CHRM3: variants seen among roughly 807,000 people sequenced by gnomAD.
CHRM3 encodes muscarinic acetylcholine receptor M3.
CHRM3 carries 11 observed loss-of-function variants against 41.8 expected under a neutral mutation model. The ratio of observed to expected loss-of-function variants is 0.26; its 90% CI spans 0.17 to 0.44. The LOEUF (loss-of-function observed/expected upper bound fraction) is 0.44. Among genes scored for constraint, CHRM3 ranks in the 20% least tolerant of loss-of-function variants. The probability of loss-of-function intolerance (pLI) is 1.00; values close to 1 mark genes in which losing one functional copy is unlikely to be tolerated. For missense variants in CHRM3, 571 were observed against 745.4 expected, an observed-to-expected ratio of 0.77 and a Z score of 2.72; for synonymous variants, 297 against 301.4, an observed-to-expected ratio of 0.99 and a Z score of 0.15.
chr1:239,705,885 C>G (rs1661114050), intron 5 of CHRM3, among the ~76,000 whole-genome samples: 1 of 151,604 alleles, frequency 6.6e-6, no homozygotes, highest in East Asian at 1.9e-4. Context: ...CCTTGGAATA[C>G]TAAGTAAGCT....
chr1:239,457,069 A>G (rs1198569904), intron 1 of CHRM3, among the ~76,000 whole-genome samples: 2 of 152,158 alleles, frequency 1.3e-5, no homozygotes, highest in Non-Finnish European at 2.9e-5. Flanking sequence ...TTCCCCGGAA[A>G]TCCTCAGCCA....
chr1:239,576,170 A>G (rs1163778109), intron 3 of CHRM3, among the ~76,000 whole-genome samples: 1 of 152,120 alleles, frequency 6.6e-6, no homozygotes, highest in Non-Finnish European at 1.5e-5. Flanking sequence ...AAGGTTGAAT[A>G]ACGTCCATTG....
intron 5 of CHRM3, among the ~76,000 whole-genome samples, chr1:239,751,055 C>G (rs746579532): frequency 2.0e-5 from 3 of 151,894 alleles, no homozygotes; most frequent in Non-Finnish European, 4.4e-5. Context: ...TGGTGAAACT[C>G]CGTCTCTACT....
At chr1:239,585,847 A>G (rs1330652870) in intron 3 of CHRM3, among the ~76,000 whole-genome samples, 1 of 152,236 alleles carries the variant, frequency 6.6e-6, no homozygotes, top group African/African-American at 2.4e-5. Context: ...AAAAACAAAT[A>G]GATGAATATG....
intron 5 of CHRM3, chr1:239,703,895 T>C (rs1660907160): frequency 6.6e-6 from 1 of 152,084 alleles, no homozygotes. Flanking sequence ...AAAAGGGCAA[T>C]GGGAAACACA....
At chr1:239,873,681 G>A (rs1676788701) in intron 6 of CHRM3, among the ~76,000 whole-genome samples, 1 of 152,160 alleles carries the variant, frequency 6.6e-6, no homozygotes, top group Non-Finnish European at 1.5e-5. Context: ...TCAGGTGACA[G>A]TCAAAACTCT....
At chr1:239,792,668 G>T (rs370091506) in intron 5 of CHRM3, among the ~76,000 whole-genome samples, 1 of 152,176 alleles carries the variant, frequency 6.6e-6, no homozygotes, top group Non-Finnish European at 1.5e-5. Context: ...TTCAAATAAA[G>T]TTATAGGACC....
chr1:239,727,472 C>T (rs1307335892), intron 5 of CHRM3, among the ~76,000 whole-genome samples: 1 of 151,844 alleles, frequency 6.6e-6, no homozygotes, highest in Non-Finnish European at 1.5e-5. Flanking sequence ...TTCCTTCATG[C>T]TTATTATGAA....
At chr1:239,504,692 G>T (rs891908236) in intron 2 of CHRM3, among the ~76,000 whole-genome samples, 33 of 152,094 alleles carry the variant, frequency 2.2e-4, no homozygotes, top group African/African-American at 7.2e-4. Context: ...AGTGTATAAA[G>T]AAATTATGGT....
intron 2 of CHRM3, among the ~76,000 whole-genome samples, chr1:239,543,894 C>T (rs1260548993): frequency 6.6e-6 from 1 of 152,154 alleles, no homozygotes; most frequent in African/African-American, 2.4e-5. Context: ...CTCAACTCTG[C>T]CATGGTAACA....
chr1:239,404,760 A>ATATATATATATATATATAT (rs1553293705), intron 1 of CHRM3, among the ~76,000 whole-genome samples: 1 of 139,550 alleles, frequency 7.2e-6, no homozygotes, highest in Non-Finnish European at 1.6e-5. Flanking sequence ...ATATATATGG[A>ATATATATATATATATATAT]AAATATGGTT....
At chr1:239,760,380 G>GA (rs111837294) in intron 5 of CHRM3, among the ~76,000 whole-genome samples, 24 of 150,460 alleles carry the variant, frequency 1.6e-4, no homozygotes, top group Admixed American at 4.6e-4. Context: ...TACTTTGCCT[G>GA]AAAAAAAAAT....
chr1:239,685,124 C>T (rs1376091711), intron 5 of CHRM3, among the ~76,000 whole-genome samples: 4 of 152,110 alleles, frequency 2.6e-5, no homozygotes, highest in Admixed American at 6.6e-5. Flanking sequence ...ATGAATATCA[C>T]GATTCATGAC....
intron 3 of CHRM3, among the ~76,000 whole-genome samples, chr1:239,597,927 T>C (rs1470911052): frequency 2.8e-5 from 4 of 141,450 alleles, no homozygotes; most frequent in Non-Finnish European, 6.1e-5. Context: ...AGAACAGGGG[T>C]CTCGTGCAGT....
intron 5 of CHRM3, among the ~76,000 whole-genome samples, chr1:239,699,248 A>G (rs1660467881): frequency 8.0e-6 from 1 of 124,462 alleles, no homozygotes; most frequent in African/African-American, 2.8e-5. Flanking sequence ...TCCAAAACAC[A>G]TATGTTGAAG....
intron 3 of CHRM3, among the ~76,000 whole-genome samples, chr1:239,610,890 A>G (rs1201868398): frequency 1.3e-5 from 2 of 152,090 alleles, no homozygotes. Flanking sequence ...CGTCTCTACT[A>G]AAAATACAAA....
At chr1:239,768,748 G>A (rs183533630) in intron 5 of CHRM3, among the ~76,000 whole-genome samples, 1 of 148,068 alleles carries the variant, frequency 6.8e-6, no homozygotes, top group Admixed American at 7.0e-5. Context: ...TTCTCACTAG[G>A]AGCCAGAGTT....
chr1:239,529,188 C>T (rs1214265021), intron 2 of CHRM3, among the ~76,000 whole-genome samples: 1 of 152,126 alleles, frequency 6.6e-6, no homozygotes, highest in Non-Finnish European at 1.5e-5. Context: ...GGAGGTGATA[C>T]ATCACACCAT....
At position 239,556,068 on chromosome 1, in the gene CHRM3, T is replaced by C. The variant is rs148230789; in HGVS notation, c.-313+10319T>C. On this transcript the variant is annotated intron_variant, in intron 3 of 6. Coordinates refer to ENST00000676153, the MANE Select transcript of CHRM3 (RefSeq NM_001375978.1). ...AACTCTGTTTACTACGTTGCAATGA[T>C]AGACAAAGTAGTCAATTCTTGCTGG... Among the ~76,000 whole-genome samples, 74 of 152,338 alleles carry C rather than the reference T, an allele frequency of 4.9e-4. 1 individual carries two copies. In the East Asian group the frequency reaches 0.013, roughly 27 times the overall value.
Sources: allele counts gnomAD v4.1 joint callset (sites outside exome capture counted in the v4.1 genomes callset), GRCh38; gene constraint gnomAD v4.1.1; transcripts MANE v1.5; gene names NCBI Gene and HGNC (gene_info 2026-07-23, HGNC 2026-07-21).